The following PLCB4 variants were observed in gnomAD, a reference collection of about 807,000 sequenced individuals.
PLCB4 encodes the protein 1-phosphatidylinositol 4,5-bisphosphate phosphodiesterase beta-4.
In PLCB4, 77 loss-of-function variants were observed where a neutral mutation model predicts 178.8. The ratio of observed to expected loss-of-function variants is 0.43; its 90% CI spans 0.36 to 0.52. The LOEUF is 0.52. PLCB4 is among the 20% of genes least tolerant of loss of function. PLCB4 has a pLI of 0.00. For synonymous variants in PLCB4, 496 were observed against 490.8 expected (o/e 1.01, Z -0.14); for missense variants, 1,024 against 1,453.4 (o/e 0.70, Z 4.80).
intron 2 of PLCB4, among the ~76,000 whole-genome samples, chr20:9,144,700 G>C (rs1387732678): frequency 1.0e-5 from 1 of 95,428 alleles, no homozygotes; most frequent in Non-Finnish European, 2.1e-5. Flanking sequence ...AGGAGGGGAA[G>C]GAGGGGAAGA....
chr20:9,100,299 C>T (rs916891907), intron 2 of PLCB4, among the ~76,000 whole-genome samples: 1 of 152,190 alleles, frequency 6.6e-6, no homozygotes, highest in Non-Finnish European at 1.5e-5. Flanking sequence ...GTATAAGGAG[C>T]TGGACTAGTC....
intron 1 of PLCB4, among the ~76,000 whole-genome samples, chr20:9,091,865 C>T (rs758941812): frequency 6.6e-6 from 1 of 151,836 alleles, no homozygotes; most frequent in Non-Finnish European, 1.5e-5. Flanking sequence ...CATAAAGTCT[C>T]TTGGAAAAGT....
chr20:9,465,540 A>G (rs900491456), intron 35 of PLCB4, among the ~76,000 whole-genome samples: 1 of 152,140 alleles, frequency 6.6e-6, no homozygotes, highest in South Asian at 2.1e-4. Context: ...AAACCCCTTC[A>G]TCTCAGCCCC....
rs2091865671 is a variant in PLCB4 at position 9,118,774 on chromosome 20, T to A, written c.-79+22432T>A. 4.6e-5 allele frequency among the ~76,000 whole-genome samples: 7 copies of A among 152,168 alleles called. No homozygotes were observed. In the South Asian group the frequency reaches 1.5e-3, roughly 32 times the overall value. On this transcript the variant is annotated intron_variant, in intron 2 of 39. Coordinates refer to ENST00000378473, the MANE Select transcript of PLCB4 (RefSeq NM_001377142.1). ...CATGTGTAAGTAATGAAAATCCAAG[T>A]CAAATTAGGAGTAAAATCAAGATCC...
chr20:9,385,600 G>A (rs73500612), intron 14 of PLCB4, among the ~76,000 whole-genome samples: 78 of 145,672 alleles, frequency 5.4e-4, no homozygotes, highest in Non-Finnish European at 6.9e-4. Flanking sequence ...TGGCAGAGGC[G>A]CTCCTCACAT....
rs147189988 is a variant in PLCB4 at position 9,095,396 on chromosome 20, G to A, written c.-134-891G>A. Reference sequence around the variant, plus strand: ...AATCTATATATCATTATCCCCATTGGAAGTTAAATTACAGACGGAACCAAA... The same window carrying A: ...AATCTATATATCATTATCCCCATTGAAAGTTAAATTACAGACGGAACCAAA... On this transcript the variant is annotated intron_variant, in intron 1 of 39. Transcript: ENST00000378473. 5.1e-3 allele frequency among the ~76,000 whole-genome samples: 770 copies of A among 152,210 alleles called. 5 individuals carry two copies. The highest frequency in any genetic ancestry group is 0.016 in the Admixed American group (243 of 15,278).
At chr20:9,154,848 TTCCCTCCCTCTC>T (rs1435000742) in intron 2 of PLCB4, among the ~76,000 whole-genome samples, 1 of 136,024 alleles carries the variant, frequency 7.4e-6, no homozygotes, top group African/African-American at 2.8e-5. Flanking sequence ...TCCTTCCTTT[TTCCCTCCCTCTC>T]TCCCTCCCTT....
At chr20:9,400,846 C>A (rs2038970109) in intron 19 of PLCB4, among the ~76,000 whole-genome samples, 1 of 152,136 alleles carries the variant, frequency 6.6e-6, no homozygotes, top group African/African-American at 2.4e-5. Context: ...CTTTCACAGA[C>A]TAGACCACGC....
chr20:9,256,091 C>T (rs1299018021), intron 3 of PLCB4, among the ~76,000 whole-genome samples: 1 of 152,076 alleles, frequency 6.6e-6, no homozygotes, highest in Non-Finnish European at 1.5e-5. Flanking sequence ...TTAAAGTTCT[C>T]GTATACATAT....
At chr20:9,467,427 T>TA (rs1313439726) in intron 35 of PLCB4, among the ~76,000 whole-genome samples, 3 of 150,036 alleles carry the variant, frequency 2.0e-5, no homozygotes, top group African/African-American at 7.4e-5. Flanking sequence ...TAAAGTATAA[T>TA]AAAAAATAAA....
intron 17 of PLCB4, among the ~76,000 whole-genome samples, chr20:9,393,153 C>A (rs73068455): frequency 6.6e-6 from 1 of 152,268 alleles, no homozygotes; most frequent in Non-Finnish European, 1.5e-5. Flanking sequence ...GCCTACTCAG[C>A]AGACAGGCTT....
intron 2 of PLCB4, among the ~76,000 whole-genome samples, chr20:9,142,992 C>T (rs1338764920): frequency 6.6e-6 from 1 of 152,186 alleles, no homozygotes; most frequent in East Asian, 1.9e-4. Flanking sequence ...TCCTTACACA[C>T]ACTGGGCATG....
intron 2 of PLCB4, among the ~76,000 whole-genome samples, chr20:9,198,007 AC>A (rs1568935206): frequency 6.6e-6 from 1 of 152,054 alleles, no homozygotes; most frequent in Admixed American, 6.6e-5. Context: ...AAAAAAAAAA[AC>A]AAAATCTTAT....
chr20:9,266,810 G>A (rs2094354122), intron 3 of PLCB4, among the ~76,000 whole-genome samples: 1 of 152,092 alleles, frequency 6.6e-6, no homozygotes, highest in South Asian at 2.1e-4. Context: ...CTATATTTGT[G>A]TGGGTCTCAA....
Position 9,373,055 on chromosome 20 carries a change from A to G in PLCB4, c.695A>G (p.Asp232Gly). The change falls in exon 12 of 40, where the codon GAC (aspartate) becomes GGC (glycine). Residue 232 changes from aspartate to glycine, a missense_variant. This residue lies in a region of PLCB4 where 225 missense variants were observed against 291.0 expected (regional missense o/e 0.77). Transcript: ENST00000378473. ...AATAAATTTCTTTTCAGCAATGGAG[A>G]CAAAACTGATTATTTAACGGTAGAC... ...IEDLFKKING[D>G]KTDYLTVDQL... 6.6e-7 allele frequency: 1 copy of G among 1,507,710 alleles called. No homozygotes were observed. Among genetic ancestry groups the G allele is most frequent in the Non-Finnish European group, 9.2e-7 (1 of 1,085,264 alleles). 93.4% of individuals were successfully genotyped at this position (1,507,710 alleles called of 1,614,324 possible).
intron 3 of PLCB4, among the ~76,000 whole-genome samples, chr20:9,227,147 T>C (rs908094510): frequency 6.6e-5 from 10 of 151,968 alleles, no homozygotes; most frequent in Non-Finnish European, 1.5e-4. Context: ...GGTTGTCTGC[T>C]TTTTTGATGT....
intron 17 of PLCB4, among the ~76,000 whole-genome samples, chr20:9,391,302 G>C (rs1456809770): frequency 6.6e-6 from 1 of 152,114 alleles, no homozygotes; most frequent in African/African-American, 2.4e-5. Context: ...ATTCTAGAGA[G>C]TTAATCACAT....
At chr20:9,108,526 T>A (rs2091452282) in intron 2 of PLCB4, among the ~76,000 whole-genome samples, 1 of 151,858 alleles carries the variant, frequency 6.6e-6, no homozygotes, top group African/African-American at 2.4e-5. Flanking sequence ...AAAAGTTGGA[T>A]CAGCACAACA....
At chr20:9,426,069 G>C (rs1294329803) in intron 28 of PLCB4, among the ~76,000 whole-genome samples, 1 of 151,656 alleles carries the variant, frequency 6.6e-6, no homozygotes, top group Non-Finnish European at 1.5e-5. Context: ...ACAGGAACAA[G>C]TTCAAGATGA....
Sources: gnomAD v4.1 joint callset for allele counts (sites outside exome capture counted in the v4.1 genomes callset) on GRCh38, gnomAD v4.1.1 for gene constraint, gnomAD v4.1.1 regional missense constraint, MANE v1.5 for transcripts, NCBI Gene and HGNC (gene_info 2026-07-23, HGNC 2026-07-21) for gene names.